The following KCNH1 variants were observed in gnomAD, a reference collection of about 807,000 sequenced individuals.
KCNH1 encodes the protein voltage-gated delayed rectifier potassium channel KCNH1.
KCNH1 carries 27 observed loss-of-function variants against 69.2 expected under a neutral mutation model. That is an observed-to-expected ratio of 0.39 (90% confidence interval 0.29 to 0.54). The LOEUF is 0.54. Ranked by LOEUF, KCNH1 falls within the 20% of genes least tolerant of loss-of-function variation. The pLI, the probability that KCNH1 is intolerant of heterozygous loss-of-function variation, is 0.68. For missense variants in KCNH1, 798 were observed against 1,261.6 expected (o/e 0.63, Z 5.57); for synonymous variants, 456 against 487.7 (o/e 0.93, Z 0.86).
intron 10 of KCNH1, among the ~76,000 whole-genome samples, chr1:210,726,832 CCT>C (rs1346890039): frequency 6.6e-6 from 1 of 152,038 alleles, no homozygotes; most frequent in Non-Finnish European, 1.5e-5. Flanking sequence ...GGACTACTCT[CCT>C]CTATTCATTT....
At chr1:210,749,477 C>T (rs2149041679) in intron 10 of KCNH1, among the ~76,000 whole-genome samples, 1 of 152,290 alleles carries the variant, frequency 6.6e-6, no homozygotes, top group Admixed American at 6.5e-5. Context: ...TGCCCAAGTC[C>T]TCAGTGTCAG....
intron 6 of KCNH1, among the ~76,000 whole-genome samples, chr1:210,949,075 G>C (rs79722595): frequency 0.01 from 1,533 of 152,284 alleles, 50 homozygotes; most frequent in East Asian, 0.056. Context: ...TCCTGGGATA[G>C]AGTGATATGT....
chr1:210,998,474 TATATGC>T (rs1480921882), intron 6 of KCNH1, among the ~76,000 whole-genome samples: 10 of 152,192 alleles, frequency 6.6e-5, no homozygotes, highest in Non-Finnish European at 1.3e-4. Context: ...ATCCTAAATA[TATATGC>T]ATCCAACACA....
At chr1:210,841,753 C>A (rs1685415621) in intron 7 of KCNH1, among the ~76,000 whole-genome samples, 1 of 152,130 alleles carries the variant, frequency 6.6e-6, no homozygotes, top group Non-Finnish European at 1.5e-5. Flanking sequence ...TGTGTATATA[C>A]ATAGGATCTG....
chr1:210,982,399 T>TC (rs1244664683), intron 6 of KCNH1, among the ~76,000 whole-genome samples: 1 of 152,026 alleles, frequency 6.6e-6, no homozygotes, highest in Admixed American at 6.6e-5. Flanking sequence ...TAGGTATATC[T>TC]CCAATGCTAT....
At chr1:211,127,127 T>C (rs943022368) in intron 1 of KCNH1, among the ~76,000 whole-genome samples, 1 of 152,216 alleles carries the variant, frequency 6.6e-6, no homozygotes, top group African/African-American at 2.4e-5. Flanking sequence ...AAAGCTGTAC[T>C]CATTTTGGTA....
intron 6 of KCNH1, among the ~76,000 whole-genome samples, chr1:211,011,617 A>AT (rs561060004): frequency 9.2e-5 from 14 of 152,006 alleles, no homozygotes; most frequent in African/African-American, 2.7e-4. Context: ...TAGGTTTTAC[A>AT]TTTTTTTTAA....
At position 210,713,300 on chromosome 1, in the gene KCNH1, G is replaced by A. The variant is rs535687742; in HGVS notation, c.2113-29162C>T. 2.8e-3 allele frequency among the ~76,000 whole-genome samples: 421 copies of A among 152,330 alleles called. 4 individuals carry two copies. The highest frequency in any genetic ancestry group is 0.02 in the Middle Eastern group (6 of 294). On this transcript the variant is annotated intron_variant, in intron 10 of 10. Coordinates refer to ENST00000271751, the MANE Select transcript of KCNH1 (RefSeq NM_172362.3). ...GCTCTGAGTCTGGTAAAGGCCAAAGGAAAGATGGCAATATCAGCAGACACA... is the reference window on the plus strand; with the variant it reads ...GCTCTGAGTCTGGTAAAGGCCAAAGAAAAGATGGCAATATCAGCAGACACA...
At chr1:210,830,848 C>A (rs549813357) in intron 7 of KCNH1, among the ~76,000 whole-genome samples, 3 of 152,216 alleles carry the variant, frequency 2.0e-5, no homozygotes, top group African/African-American at 4.8e-5. Flanking sequence ...TTTGAGAGTG[C>A]CATTTAAAAA....
intron 5 of KCNH1, among the ~76,000 whole-genome samples, chr1:211,065,183 TC>T (rs140655922): frequency 0.048 from 7,349 of 152,302 alleles, 270 homozygotes; most frequent in Non-Finnish European, 0.07. Context: ...ATATCTATAC[TC>T]CTGTGTCTAT....
chr1:211,057,067 A>T (rs944406253), intron 5 of KCNH1, among the ~76,000 whole-genome samples: 1 of 152,218 alleles, frequency 6.6e-6, no homozygotes, highest in African/African-American at 2.4e-5. Context: ...AGAGACAGAG[A>T]TATGTGACCT....
intron 5 of KCNH1, among the ~76,000 whole-genome samples, chr1:211,076,025 G>T (rs887404958): frequency 2.6e-5 from 4 of 152,226 alleles, no homozygotes; most frequent in African/African-American, 7.2e-5. Flanking sequence ...AGCCTGGCAG[G>T]GGGAGGGGCA....
In KCNH1 at chr1:211,019,221, G is replaced by A. The variant is rs749103547; in HGVS notation, c.594C>T (p.Tyr198=). ...LQLGSDILPQ[Y]KQEAPKTPPH... ...GGGGAGTCTTTGGTGCCTCTTGCTT[G>A]TACTGGGGAAGGATGTCTGAGCCCA... is the stretch of plus-strand genomic sequence containing the variant. Residue 198 remains tyrosine, a synonymous_variant, in exon 6 of 11, where the codon TAC becomes TAT. Transcript: ENST00000271751. 9 of 1,611,148 alleles carry A rather than the reference G, an allele frequency of 5.6e-6. No individual in the cohort carries two copies. In the Admixed American group the frequency reaches 1.2e-4, roughly 21 times the overall value.
At chr1:210,922,148 G>A (rs181170996) in intron 6 of KCNH1, among the ~76,000 whole-genome samples, 10 of 151,964 alleles carry the variant, frequency 6.6e-5, no homozygotes, top group South Asian at 2.1e-4. Context: ...TTGGGAGGCC[G>A]AGGCGGGCAG....
chr1:210,976,527 T>C (rs1270885296), intron 6 of KCNH1, among the ~76,000 whole-genome samples: 3 of 144,122 alleles, frequency 2.1e-5, no homozygotes, highest in Non-Finnish European at 4.5e-5. Context: ...AGTTCAACCA[T>C]TGCGGAAGTC....
intron 7 of KCNH1, among the ~76,000 whole-genome samples, chr1:210,839,168 A>G (rs1685353220): frequency 6.6e-6 from 1 of 152,242 alleles, no homozygotes; most frequent in African/African-American, 2.4e-5. Context: ...CTGAATGTCC[A>G]TCAGTGACAG....
At chr1:210,710,082 C>G (rs1682029565) in intron 10 of KCNH1, among the ~76,000 whole-genome samples, 1 of 152,200 alleles carries the variant, frequency 6.6e-6, no homozygotes. Context: ...CACTATACTT[C>G]TAGGTTATAT....
At chr1:210,719,413 G>T (rs1446915927) in intron 10 of KCNH1, among the ~76,000 whole-genome samples, 1 of 152,150 alleles carries the variant, frequency 6.6e-6, no homozygotes, top group East Asian at 1.9e-4. Flanking sequence ...GATGAAACTG[G>T]AAACCATCAT....
At chr1:211,115,170 G>A (rs945320451) in intron 1 of KCNH1, among the ~76,000 whole-genome samples, 2 of 152,092 alleles carry the variant, frequency 1.3e-5, no homozygotes, top group African/African-American at 2.4e-5. Flanking sequence ...TGTACTTTTA[G>A]TAGAGACGAG....
Sources: gnomAD v4.1 joint callset for allele counts (sites outside exome capture counted in the v4.1 genomes callset) on GRCh38, gnomAD v4.1.1 for gene constraint, MANE v1.5 for transcripts, NCBI Gene and HGNC (gene_info 2026-07-23, HGNC 2026-07-21) for gene names.